Variants in ZBED6 observed in about 807,000 individuals in gnomAD.
ZBED6 encodes zinc finger BED-type containing 6.
ZBED6 carries 40 observed loss-of-function variants against 58.4 expected under a neutral mutation model. The observed-to-expected ratio is 0.68, with a 90% CI of 0.53 to 0.89. The LOEUF is 0.89. Ranked by LOEUF, ZBED6 falls within the 40% of genes least tolerant of loss-of-function variation. The probability of loss-of-function intolerance (pLI) is 0.00; values close to 1 mark genes in which losing one functional copy is unlikely to be tolerated. For missense variants in ZBED6, 1,057 were observed against 1,003.9 expected (o/e 1.05, Z -0.71); for synonymous variants, 439 against 350.6 (o/e 1.25, Z -2.82).
intron 1 of ZBED6, among the ~76,000 whole-genome samples, chr1:203,810,280 C>T (rs1034335466): frequency 6.6e-6 from 1 of 151,624 alleles, no homozygotes; most frequent in Non-Finnish European, 1.5e-5. Flanking sequence ...CTGGCCTTGC[C>T]GTTTTCTTGA....
chr1:203,847,150 AGTAT>A (rs1272145404), intron 11 of ZBED6, 30 bp from the exon 12 acceptor site: 4 of 1,607,042 alleles, frequency 2.5e-6, no homozygotes. Context: ...ATGAACTTCA[AGTAT>A]AATGACATGT....
chr1:203,821,399 TC>T (rs1678642407), intron 3 of ZBED6, among the ~76,000 whole-genome samples: 1 of 152,176 alleles, frequency 6.6e-6, no homozygotes, highest in South Asian at 2.1e-4. Context: ...TCTATTTTAA[TC>T]AGTGTGTCGT....
At chr1:203,835,043 G>A (rs1683817237) in intron 9 of ZBED6, among the ~76,000 whole-genome samples, 1 of 152,174 alleles carries the variant, frequency 6.6e-6, no homozygotes, top group South Asian at 2.1e-4. Context: ...ATTTTGTGTT[G>A]TCTTTGATGC....
At chr1:203,848,673 G>T (rs559174867) in intron 13 of ZBED6, among the ~76,000 whole-genome samples, 1 of 152,298 alleles carries the variant, frequency 6.6e-6, no homozygotes, top group East Asian at 1.9e-4. Context: ...GGATCACGAG[G>T]TCAGGAGATT....
chr1:203,834,221 G>GA (rs1336486150), intron 9 of ZBED6: 5 of 333,974 alleles, frequency 1.5e-5, no homozygotes, highest in Non-Finnish European at 1.3e-5. Flanking sequence ...GAAGAAAGAA[G>GA]AAAGTATGTA....
intron 1 of ZBED6, among the ~76,000 whole-genome samples, chr1:203,811,508 TA>T (rs958896479): frequency 1.3e-5 from 2 of 152,300 alleles, no homozygotes; most frequent in Non-Finnish European, 2.9e-5. Context: ...TTATTCCCCT[TA>T]AAAACTTTTT....
At chr1:203,819,089 T>TACACACACACACAC (rs200302232) in intron 3 of ZBED6, among the ~76,000 whole-genome samples, 2 of 140,956 alleles carry the variant, frequency 1.4e-5, no homozygotes, top group African/African-American at 5.4e-5. Context: ...TATATATATA[T>TACACACACACACAC]ACACACACAC....
intron 2 of ZBED6, among the ~76,000 whole-genome samples, chr1:203,817,584 C>T (rs905547412): frequency 6.6e-6 from 1 of 152,006 alleles, no homozygotes; most frequent in African/African-American, 2.4e-5. Flanking sequence ...AGTCATCATA[C>T]TAAATATGCT....
At chr1:203,849,953 A>G in exon 14 of ZBED6, 2 of 1,614,134 alleles carry the variant, frequency 1.2e-6, no homozygotes, top group Non-Finnish European at 1.7e-6. Flanking sequence ...AGGTGGAGGT[A>G]GAAACCTCAG....
chr1:203,800,089 A>G (rs773559345), exon 1 of ZBED6: 7 of 1,535,978 alleles, frequency 4.6e-6, no homozygotes, highest in Non-Finnish European at 5.2e-6. Flanking sequence ...CTTGGAAGCA[A>G]AAGCTTCATG....
At chr1:203,818,645 C>T (rs756737435) in exon 3 of ZBED6, 3 of 1,614,098 alleles carry the variant, frequency 1.9e-6, no homozygotes, top group East Asian at 2.2e-5. Context: ...GCAAGAAGGG[C>T]GCTGTTTTCG....
At chr1:203,844,889 C>T (rs779642724) in intron 11 of ZBED6, among the ~76,000 whole-genome samples, 1 of 152,142 alleles carries the variant, frequency 6.6e-6, no homozygotes, top group East Asian at 1.9e-4. Context: ...TGCTCTACTT[C>T]TCTCCAGCCC....
exon 1 of ZBED6, chr1:203,799,654 A>G: frequency 1.4e-6 from 1 of 704,224 alleles, no homozygotes; most frequent in Non-Finnish European, 2.6e-6. Context: ...GGATTGAATC[A>G]GGTGCTACCC....
intron 9 of ZBED6, among the ~76,000 whole-genome samples, chr1:203,836,705 G>C (rs1421862859): frequency 6.6e-6 from 1 of 152,214 alleles, no homozygotes; most frequent in Non-Finnish European, 1.5e-5. Flanking sequence ...GAACCCGGGA[G>C]GTGGAGGTGG....
chr1:203,821,201 C>T (rs568397733), intron 3 of ZBED6, among the ~76,000 whole-genome samples: 1 of 152,234 alleles, frequency 6.6e-6, no homozygotes, highest in Non-Finnish European at 1.5e-5. Context: ...TGCTCGCGCT[C>T]TCTTGCTGCC....
At chr1:203,797,621 T>A (rs1017651586) in exon 1 of ZBED6, 17 of 1,535,942 alleles carry the variant, frequency 1.1e-5, no homozygotes, top group Non-Finnish European at 1.5e-5. Flanking sequence ...GTGTTCCTAT[T>A]AATTCTAATA....
intron 1 of ZBED6, among the ~76,000 whole-genome samples, chr1:203,810,791 A>G (rs1216770718): frequency 6.6e-6 from 1 of 151,872 alleles, no homozygotes; most frequent in Admixed American, 6.6e-5. Context: ...TCAGGATTCC[A>G]TTTCTCCACA....
chr1:203,820,621 G>T (rs1435393797), intron 3 of ZBED6, among the ~76,000 whole-genome samples: 1 of 151,908 alleles, frequency 6.6e-6, no homozygotes, highest in Non-Finnish European at 1.5e-5. Flanking sequence ...GGGACAACGG[G>T]CATGCCTCAC....
rs772563884 is a variant in ZBED6, at chr1:203,851,108, G to A, written c.*4857G>A. 7.4e-6 allele frequency: 12 copies of A among 1,614,152 alleles called. No individual in the cohort carries two copies. The South Asian group carries it at 8.8e-5, about 12-fold the overall frequency. ...CAAATCAGTCACTGTGCCTGAAGCAGAAAATCCTAGAGACAGGTAATACTT... is the reference window on the plus strand; with the variant it reads ...CAAATCAGTCACTGTGCCTGAAGCAAAAAATCCTAGAGACAGGTAATACTT... On this transcript the variant is annotated 3_prime_UTR_variant, in exon 16 of 17. Transcript: ENST00000550078.
Sources: gnomAD v4.1 joint callset for allele counts (sites outside exome capture counted in the v4.1 genomes callset) on GRCh38, gnomAD v4.1.1 for gene constraint, MANE v1.5 for transcripts, NCBI Gene and HGNC (gene_info 2026-07-23, HGNC 2026-07-21) for gene names.